GRID1: variants seen among roughly 807,000 people sequenced by gnomAD.
The protein encoded by GRID1 is glutamate receptor ionotropic, delta-1.
GRID1 carries 28 observed loss-of-function variants against 98.0 expected under a neutral mutation model. The observed-to-expected ratio is 0.29, with a 90% confidence interval of 0.21 to 0.39. GRID1 has a LOEUF of 0.39. Among genes scored for constraint, GRID1 ranks in the 10% least tolerant of loss-of-function variants. The pLI, the probability that GRID1 is intolerant of heterozygous loss-of-function variation, is 1.00. For missense variants in GRID1, 1,111 were observed against 1,340.5 expected (o/e 0.83, Z 2.67); for synonymous variants, 553 against 538.5 (o/e 1.03, Z -0.37).
intron 2 of GRID1, among the ~76,000 whole-genome samples, chr10:86,256,023 T>C (rs1385482383): frequency 6.6e-6 from 1 of 152,192 alleles, no homozygotes; most frequent in African/African-American, 2.4e-5. Flanking sequence ...TTCCTTAAAA[T>C]ACAGGCATGA....
intron 8 of GRID1, among the ~76,000 whole-genome samples, chr10:85,783,385 T>C (rs1174303561): frequency 6.6e-6 from 1 of 152,126 alleles, no homozygotes; most frequent in Non-Finnish European, 1.5e-5. Context: ...ACACACAGGT[T>C]TATAATATCA....
chr10:85,787,836 A>G (rs1220784306), intron 8 of GRID1, among the ~76,000 whole-genome samples: 1 of 151,918 alleles, frequency 6.6e-6, no homozygotes, highest in Non-Finnish European at 1.5e-5. Context: ...CCACACCACC[A>G]GCCACTCCCT....
At chr10:85,771,772 C>G (rs1391791689) in intron 8 of GRID1, among the ~76,000 whole-genome samples, 12 of 152,176 alleles carry the variant, frequency 7.9e-5, no homozygotes, top group Non-Finnish European at 1.3e-4. Flanking sequence ...GAAGAGCTAA[C>G]TATCCTAAAT....
intron 15 of GRID1, among the ~76,000 whole-genome samples, chr10:85,612,319 G>T (rs560586952): frequency 2.0e-5 from 3 of 151,988 alleles, no homozygotes; most frequent in Non-Finnish European, 4.4e-5. Context: ...AGAAGAGCCC[G>T]CCGGCTCTTA....
At chr10:85,704,887 G>C (rs112825648) in intron 12 of GRID1, among the ~76,000 whole-genome samples, 9 of 152,154 alleles carry the variant, frequency 5.9e-5, no homozygotes, top group South Asian at 2.1e-4. Context: ...CATAACGAAA[G>C]GAAGGCAGAA....
intron 4 of GRID1, among the ~76,000 whole-genome samples, chr10:86,008,535 G>A (rs931405382): frequency 2.6e-5 from 4 of 152,034 alleles, no homozygotes; most frequent in Admixed American, 6.6e-5. Flanking sequence ...AATATATAAA[G>A]AGCTTCTATA....
intron 4 of GRID1, among the ~76,000 whole-genome samples, chr10:86,116,105 G>A (rs1050977147): frequency 2.6e-5 from 4 of 152,144 alleles, no homozygotes; most frequent in Non-Finnish European, 5.9e-5. Context: ...GTACAATGAT[G>A]ACATCGCCTA....
chr10:85,664,308 G>A (rs1372168412), intron 12 of GRID1, among the ~76,000 whole-genome samples: 1 of 152,062 alleles, frequency 6.6e-6, no homozygotes, highest in Admixed American at 6.6e-5. Context: ...ATTGTCCAAT[G>A]AGGAACCCAG....
intron 4 of GRID1, among the ~76,000 whole-genome samples, chr10:86,117,913 A>T (rs1039613668): frequency 6.6e-6 from 1 of 152,256 alleles, no homozygotes; most frequent in African/African-American, 2.4e-5. Flanking sequence ...TAAAGAACTA[A>T]AAGTAGATCT....
At chr10:85,607,413 A>T (rs1250279496) in intron 15 of GRID1, among the ~76,000 whole-genome samples, 2 of 152,152 alleles carry the variant, frequency 1.3e-5, no homozygotes, top group East Asian at 3.9e-4. Context: ...ATGGGACCCA[A>T]GGGCTGGGAG....
At chr10:85,824,693 C>G (rs1466732078) in intron 8 of GRID1, among the ~76,000 whole-genome samples, 1 of 152,140 alleles carries the variant, frequency 6.6e-6, no homozygotes, top group Admixed American at 6.5e-5. Context: ...TCACCACCCC[C>G]CCACCACCAA....
intron 4 of GRID1, among the ~76,000 whole-genome samples, chr10:86,051,027 A>G (rs1482362948): frequency 6.6e-6 from 1 of 151,716 alleles, no homozygotes; most frequent in East Asian, 1.9e-4. Context: ...GCCGTGAGCC[A>G]AGATTGCGCC....
intron 5 of GRID1, among the ~76,000 whole-genome samples, chr10:85,874,487 G>T (rs1358374634): frequency 6.6e-6 from 1 of 152,116 alleles, no homozygotes; most frequent in Non-Finnish European, 1.5e-5. Flanking sequence ...ATACACTTAT[G>T]AATCATTTGT....
At chr10:85,805,283 T>C (rs915716113) in intron 8 of GRID1, among the ~76,000 whole-genome samples, 2 of 151,654 alleles carry the variant, frequency 1.3e-5, no homozygotes, top group Non-Finnish European at 3.0e-5. Flanking sequence ...AACTACATAA[T>C]ACTAAATTTA....
rs544629458 is a variant in GRID1 at position 85,801,725 on chromosome 10, T to C, written c.1233+52771A>G. Among the ~76,000 whole-genome samples the C allele has an allele frequency of 2.1e-3, 316 of 151,960 alleles. 2 individuals carry two copies. Among genetic ancestry groups the C allele is most frequent in the Non-Finnish European group, 3.4e-3 (233 of 67,806 alleles). On this transcript the variant is annotated intron_variant, in intron 8 of 15. Coordinates refer to ENST00000327946, the MANE Select transcript of GRID1 (RefSeq NM_017551.3). ...AGTGGGAAAATGTAAAGCAACTGCT[T>C]TAAAATCAGAACATAAAATGATGTT...
chr10:86,190,985 C>T (rs1845794551), intron 3 of GRID1, among the ~76,000 whole-genome samples: 2 of 152,204 alleles, frequency 1.3e-5, no homozygotes, highest in Non-Finnish European at 2.9e-5. Flanking sequence ...AACACACATG[C>T]ACATATTGTG....
At chr10:86,024,269 CGTCTG>C (rs1843087542) in intron 4 of GRID1, among the ~76,000 whole-genome samples, 2 of 152,156 alleles carry the variant, frequency 1.3e-5, no homozygotes, top group Non-Finnish European at 2.9e-5. Context: ...ATCACCCAGC[CGTCTG>C]GTGCAAACGA....
chr10:85,857,426 G>A (rs1042571637), intron 6 of GRID1, among the ~76,000 whole-genome samples: 1 of 152,106 alleles, frequency 6.6e-6, no homozygotes, highest in African/African-American at 2.4e-5. Context: ...GCTAGAAAAT[G>A]GCACCCACCC....
At chr10:86,226,665 T>C (rs1173340500) in intron 2 of GRID1, among the ~76,000 whole-genome samples, 1 of 133,390 alleles carries the variant, frequency 7.5e-6, no homozygotes, top group Non-Finnish European at 1.6e-5. Context: ...ACCTTCAGTT[T>C]TCCCATTGGA....
Sources: allele counts gnomAD v4.1 joint callset (sites outside exome capture counted in the v4.1 genomes callset), GRCh38; gene constraint gnomAD v4.1.1; transcripts MANE v1.5; gene names NCBI Gene and HGNC (gene_info 2026-07-23, HGNC 2026-07-21).